The following L3MBTL3 variants were observed in gnomAD, a reference collection of about 807,000 sequenced individuals.
L3MBTL3 encodes L3MBTL histone methyl-lysine binding protein 3, also known as lethal(3)malignant brain tumor-like protein 3.
Under a neutral mutation model 102.3 loss-of-function variants are expected in L3MBTL3, and 27 were observed. The ratio of observed to expected loss-of-function variants is 0.26; its 90% CI spans 0.19 to 0.36. The LOEUF (loss-of-function observed/expected upper bound fraction) is 0.36, where lower values mean the gene tolerates loss of function less well. Among genes scored for constraint, L3MBTL3 ranks in the 10% least tolerant of loss-of-function variants. L3MBTL3 has a pLI of 1.00. For synonymous variants in L3MBTL3, 340 were observed against 320.9 expected, an observed-to-expected ratio of 1.06 and a Z score of -0.64; for missense variants, 798 against 955.3, an observed-to-expected ratio of 0.84 and a Z score of 2.17.
At chr6:130,040,418 G>C (rs1356168767) in intron 2 of L3MBTL3, among the ~76,000 whole-genome samples, 1 of 151,804 alleles carries the variant, frequency 6.6e-6, no homozygotes, top group East Asian at 1.9e-4. Context: ...TCATGTGTTG[G>C]TCATTTTGAA....
At chr6:130,066,305 A>ATATATAT in intron 10 of L3MBTL3, 48 bp from the exon 11 acceptor site, 4 of 478,940 alleles carry the variant, frequency 8.4e-6, no homozygotes, top group Non-Finnish European at 1.3e-5. Context: ...TATATATATG[A>ATATATAT]ATATTCTGAG....
chr6:130,026,110 C>T (rs375084425), intron 2 of L3MBTL3, among the ~76,000 whole-genome samples: 1 of 150,660 alleles, frequency 6.6e-6, no homozygotes, highest in Non-Finnish European at 1.5e-5. Context: ...TTTTAAAAAC[C>T]CTATGAAGTG....
intron 20 of L3MBTL3, among the ~76,000 whole-genome samples, chr6:130,131,813 G>C (rs868014827): frequency 3.9e-5 from 6 of 152,220 alleles, no homozygotes; most frequent in East Asian, 1.9e-4. Flanking sequence ...GTGTAGCAGT[G>C]AGGACGACCA....
intron 3 of L3MBTL3, among the ~76,000 whole-genome samples, chr6:130,047,691 T>C (rs186112437): frequency 1.4e-4 from 21 of 152,338 alleles, no homozygotes; most frequent in Middle Eastern, 6.8e-3. Flanking sequence ...CAAATTGATT[T>C]TTTATCACAT....
At chr6:130,134,822 A>G (rs1295485880) in intron 22 of L3MBTL3, among the ~76,000 whole-genome samples, 1 of 152,242 alleles carries the variant, frequency 6.6e-6, no homozygotes, top group Non-Finnish European at 1.5e-5. Flanking sequence ...AGGAGTATAG[A>G]CACAGCTAAC....
chr6:130,140,624 C>CTAT lies in L3MBTL3; in HGVS notation c.*873_*875dup. 6.6e-6 allele frequency: 1 copy of CTAT among 152,202 alleles called. No individual in the cohort carries two copies. Among genetic ancestry groups the CTAT allele is most frequent in the Non-Finnish European group, 1.5e-5 (1 of 68,030 alleles). The allele number at this position is 152,202 out of a possible 1,614,324, so 9.4% of individuals were successfully genotyped here. A position where few individuals can be genotyped will look rare whatever the true frequency, so the allele number is the denominator to read the frequency against. On this transcript the variant is annotated 3_prime_UTR_variant, in exon 23 of 23. Coordinates refer to ENST00000361794, the MANE Select transcript of L3MBTL3 (RefSeq NM_032438.4). ...GGGGAATGTTTGTGAGGGTCTTGAACTATTTATGAGATGATCTTGAGCTTC... is the reference window on the plus strand; with the variant it reads ...GGGGAATGTTTGTGAGGGTCTTGAACTATTATTTATGAGATGATCTTGAGCTTC...
chr6:130,063,492 T>G (rs1456527221), intron 10 of L3MBTL3, among the ~76,000 whole-genome samples: 3 of 152,138 alleles, frequency 2.0e-5, no homozygotes, highest in Non-Finnish European at 4.4e-5. Context: ...CTCCACAAAT[T>G]ACCTTGTGTG....
intron 13 of L3MBTL3, among the ~76,000 whole-genome samples, chr6:130,072,975 C>T (rs2115021499): frequency 6.6e-6 from 1 of 152,152 alleles, no homozygotes. Flanking sequence ...TTAAAGACAC[C>T]AGGTTGTTTG....
At chr6:130,098,459 A>AAGCAG (rs1221055573) in intron 18 of L3MBTL3, among the ~76,000 whole-genome samples, 2 of 152,192 alleles carry the variant, frequency 1.3e-5, no homozygotes, top group Non-Finnish European at 2.9e-5. Context: ...TTTATGAGGG[A>AAGCAG]AGCAGAGCAT....
At chr6:130,076,505 A>G (rs1782959815) in intron 13 of L3MBTL3, among the ~76,000 whole-genome samples, 1 of 152,062 alleles carries the variant, frequency 6.6e-6, no homozygotes, top group Non-Finnish European at 1.5e-5. Flanking sequence ...TTTAGAATTT[A>G]CCGTCTGAGT....
In L3MBTL3 at chr6:130,029,819, G is replaced by C. The variant is rs548145778; in HGVS notation, c.-16+7514G>C. 1.3e-4 allele frequency among the ~76,000 whole-genome samples: 20 copies of C among 152,066 alleles called. No individual in the cohort carries two copies. The South Asian group carries it at 4.2e-3, about 32-fold the overall frequency. On this transcript the variant is annotated intron_variant, in intron 2 of 22. Transcript: ENST00000361794. ...CCCTGGAGAGCCCCTCCCCTCCCCTGCCCTGCCCTCCTCTTTTTGAGACAG... is the reference window on the plus strand; with the variant it reads ...CCCTGGAGAGCCCCTCCCCTCCCCTCCCCTGCCCTCCTCTTTTTGAGACAG...
intron 16 of L3MBTL3, among the ~76,000 whole-genome samples, chr6:130,090,627 A>G (rs1783984626): frequency 6.6e-6 from 1 of 151,870 alleles, no homozygotes; most frequent in Non-Finnish European, 1.5e-5. Context: ...ACAAGGTCTC[A>G]CTCTGTCGCC....
At chr6:130,034,288 C>T (rs1032183506) in intron 2 of L3MBTL3, among the ~76,000 whole-genome samples, 5 of 152,092 alleles carry the variant, frequency 3.3e-5, no homozygotes, top group African/African-American at 9.7e-5. Flanking sequence ...CAGCCAGTCA[C>T]GATTCTCAAC....
At chr6:130,117,990 C>T (rs990876158) in intron 19 of L3MBTL3, among the ~76,000 whole-genome samples, 4 of 145,674 alleles carry the variant, frequency 2.7e-5, no homozygotes, top group African/African-American at 1.0e-4. Context: ...TTATTAGAAG[C>T]ATGAGCCACT....
chr6:130,137,373 C>A (rs946552793), intron 22 of L3MBTL3, among the ~76,000 whole-genome samples: 9 of 152,168 alleles, frequency 5.9e-5, no homozygotes, highest in African/African-American at 2.2e-4. Flanking sequence ...CCTTGTAATA[C>A]ATTGCAGTGG....
chr6:130,086,293 A>C, intron 16 of L3MBTL3, 43 bp downstream of exon 16: 1 of 1,303,306 alleles, frequency 7.7e-7, no homozygotes, highest in South Asian at 1.3e-5. Context: ...TTTTGTTATA[A>C]GATGTTTTAG....
At chr6:130,027,164 G>A (rs995040234) in intron 2 of L3MBTL3, among the ~76,000 whole-genome samples, 4 of 152,070 alleles carry the variant, frequency 2.6e-5, no homozygotes, top group Admixed American at 6.6e-5. Flanking sequence ...TATGAGTTAC[G>A]GTGGATCAGG....
chr6:130,049,821 T>A lies in L3MBTL3; in HGVS notation c.280T>A (p.Cys94Ser). ...PPAYWTSPPG[C>S]PTVFSEKTGM... ...TGCCTACTGGACATCTCCACCTGGATGTCCCACAGGTACCTCAAACTCCAC... is the reference window on the plus strand; with the variant it reads ...TGCCTACTGGACATCTCCACCTGGAAGTCCCACAGGTACCTCAAACTCCAC... The change falls in exon 5 of 23, where the codon TGT becomes AGT. Residue 94 changes from cysteine to serine, a missense_variant. Around this residue, in one of 4 missense-constraint regions of L3MBTL3, gnomAD observed 434 missense variants for 506.6 expected, o/e 0.86. Coordinates refer to ENST00000361794, the MANE Select transcript of L3MBTL3 (RefSeq NM_032438.4). 6.2e-7 allele frequency: 1 copy of A among 1,613,018 alleles called. No homozygotes were observed.
chr6:130,041,024 G>A lies in L3MBTL3; in HGVS notation c.-15-1661G>A, dbSNP rs74684380. Among the ~76,000 whole-genome samples, 48 of 152,282 alleles carry A rather than the reference G, an allele frequency of 3.2e-4. 1 individual carries two copies. The highest frequency in any genetic ancestry group is 7.7e-4 in the African/African-American group (32 of 41,554). Reference sequence around the variant, plus strand: ...GTTTTGCACTATCAGTGCAAATGTCGACACAGTGAAGAAGGCAAAGAATGT... The same window carrying A: ...GTTTTGCACTATCAGTGCAAATGTCAACACAGTGAAGAAGGCAAAGAATGT... On this transcript the variant is annotated intron_variant, in intron 2 of 22. Transcript: ENST00000361794.
Sources: allele counts gnomAD v4.1 joint callset (sites outside exome capture counted in the v4.1 genomes callset), GRCh38; gene constraint gnomAD v4.1.1; regional missense constraint gnomAD v4.1.1; transcripts MANE v1.5; gene names NCBI Gene and HGNC (gene_info 2026-07-23, HGNC 2026-07-21).